The following GALNT10 variants were observed in gnomAD, a reference collection of about 807,000 sequenced individuals.
GALNT10 encodes the protein polypeptide N-acetylgalactosaminyltransferase 10, also known as GalNAc transferase 10.
A neutral mutation model predicts 75.0 loss-of-function variants in GALNT10; 41 were observed. That is an observed-to-expected ratio of 0.55 (90% CI 0.43 to 0.71). The LOEUF is 0.71. GALNT10 is among the 30% of genes least tolerant of loss of function. GALNT10 has a pLI of 0.00. For missense variants in GALNT10, 727 were observed against 818.5 expected (o/e 0.89, Z 1.36); for synonymous variants, 302 against 313.0 (o/e 0.96, Z 0.37).
At chr5:154,338,448 G>A (rs560432918) in intron 4 of GALNT10, 2 of 316,492 alleles carry the variant, frequency 6.3e-6, no homozygotes, top group South Asian at 6.9e-5. Context: ...CTCTGACTTA[G>A]ACATGATGGC....
intron 1 of GALNT10, among the ~76,000 whole-genome samples, chr5:154,247,291 G>A (rs1453375111): frequency 5.3e-5 from 8 of 152,098 alleles, no homozygotes; most frequent in Admixed American, 2.0e-4. Flanking sequence ...TTGGCAATGC[G>A]GGCTCTTTTT....
intron 4 of GALNT10, among the ~76,000 whole-genome samples, chr5:154,364,399 C>G (rs955935422): frequency 2.0e-5 from 3 of 152,134 alleles, no homozygotes; most frequent in Non-Finnish European, 4.4e-5. Context: ...AGATTAGTCT[C>G]TGGTAGGGGA....
chr5:154,411,996 A>C (rs1041167673), intron 9 of GALNT10, among the ~76,000 whole-genome samples: 2 of 152,172 alleles, frequency 1.3e-5, no homozygotes, highest in Non-Finnish European at 2.9e-5. Context: ...CCCCAAGCCA[A>C]ATCACCAGCC....
chr5:154,420,682 G>T lies in GALNT10; in HGVS notation c.*3710G>T, dbSNP rs905742649. ...GCCCACTGCCACCTCTGGGATGGGA[G>T]TCGGACCTACATACCAAGTGACAAG... On this transcript the variant is annotated 3_prime_UTR_variant, in exon 12 of 12. Coordinates refer to ENST00000297107, the MANE Select transcript of GALNT10 (RefSeq NM_198321.4). 3 of 152,346 alleles carry T rather than the reference G, an allele frequency of 2.0e-5. No homozygotes were observed. The highest frequency in any genetic ancestry group is 2.9e-5 in the Non-Finnish European group (2 of 68,036). 9.4% of individuals were successfully genotyped at this position (152,346 alleles called of 1,614,324 possible). A position where few individuals can be genotyped will look rare whatever the true frequency, so the allele number is the denominator to read the frequency against.
intron 3 of GALNT10, among the ~76,000 whole-genome samples, chr5:154,316,368 T>C (rs916160458): frequency 6.6e-6 from 1 of 152,204 alleles, no homozygotes; most frequent in African/African-American, 2.4e-5. Context: ...CCTCTAAGCC[T>C]CACTACCTTA....
intron 4 of GALNT10, among the ~76,000 whole-genome samples, chr5:154,362,744 T>C (rs960936557): frequency 1.3e-5 from 2 of 152,232 alleles, no homozygotes; most frequent in Non-Finnish European, 2.9e-5. Context: ...TCACCTATGA[T>C]TGAATTCTTC....
chr5:154,342,403 T>C (rs1298271035), intron 4 of GALNT10, among the ~76,000 whole-genome samples: 1 of 152,178 alleles, frequency 6.6e-6, no homozygotes, highest in Non-Finnish European at 1.5e-5. Flanking sequence ...TTAACTCTTA[T>C]CCTTATCAGC....
intron 1 of GALNT10, among the ~76,000 whole-genome samples, chr5:154,252,177 C>A (rs1753533351): frequency 1.3e-5 from 2 of 152,188 alleles, no homozygotes; most frequent in East Asian, 3.9e-4. Flanking sequence ...TCTCCCATTT[C>A]CCCCATTGTT....
At chr5:154,356,199 C>A (rs1388396816) in intron 4 of GALNT10, 2 of 456,308 alleles carry the variant, frequency 4.4e-6, no homozygotes, top group Admixed American at 4.7e-5. Context: ...GCTAGAGACC[C>A]TTCAGCATAC....
intron 1 of GALNT10, among the ~76,000 whole-genome samples, chr5:154,235,847 T>G (rs1025222971): frequency 6.6e-6 from 1 of 152,128 alleles, no homozygotes. Flanking sequence ...TGGCAAGAAG[T>G]CATATTGCCC....
chr5:154,366,933 C>G (rs1240200658), intron 4 of GALNT10, among the ~76,000 whole-genome samples: 1 of 152,154 alleles, frequency 6.6e-6, no homozygotes, highest in Non-Finnish European at 1.5e-5. Context: ...CAGAGGACCA[C>G]CTGTCTCAGG....
At chr5:154,205,964 T>C (rs1309674688) in intron 1 of GALNT10, among the ~76,000 whole-genome samples, 1 of 152,260 alleles carries the variant, frequency 6.6e-6, no homozygotes, top group East Asian at 1.9e-4. Flanking sequence ...TATGGTACTT[T>C]GTTATGGTAG....
intron 1 of GALNT10, among the ~76,000 whole-genome samples, chr5:154,218,421 T>C (rs1248741811): frequency 2.0e-5 from 3 of 152,214 alleles, no homozygotes; most frequent in East Asian, 3.8e-4. Flanking sequence ...CCTGTGACCT[T>C]GTACCAGTCG....
rs957181149 is a variant in GALNT10, at chr5:154,376,813, A to G, written c.754+351A>G. On this transcript the variant is annotated intron_variant, in intron 5 of 11. Coordinates refer to ENST00000297107, the MANE Select transcript of GALNT10 (RefSeq NM_198321.4). This position sits in a 1 kb window ranked among gnomAD's most constrained non-coding sequence, Gnocchi z 4.1. ...GCTGTTAATAGCCAAACTGTGGGGG[A>G]CATCATCATATCAACTTAGAAGAGT... Among the ~76,000 whole-genome samples, 2 of 152,194 alleles carry G rather than the reference A, an allele frequency of 1.3e-5. No homozygotes were observed. Among genetic ancestry groups the G allele is most frequent in the Non-Finnish European group, 2.9e-5 (2 of 68,036 alleles).
intron 1 of GALNT10, among the ~76,000 whole-genome samples, chr5:154,218,722 A>G (rs1013481828): frequency 5.9e-5 from 9 of 152,048 alleles, no homozygotes; most frequent in Non-Finnish European, 1.3e-4. Context: ...CCCAGACAGA[A>G]TTGGGGGGAG....
chr5:154,286,375 G>C (rs1028193904), intron 1 of GALNT10, among the ~76,000 whole-genome samples: 1 of 145,178 alleles, frequency 6.9e-6, no homozygotes, highest in African/African-American at 2.7e-5. Context: ...TTATTGATCA[G>C]AGTCGATTTG....
chr5:154,374,290 A>G (rs925242936), intron 4 of GALNT10, among the ~76,000 whole-genome samples: 17 of 152,166 alleles, frequency 1.1e-4, no homozygotes, highest in African/African-American at 3.6e-4. Context: ...GACCTGGAGC[A>G]TTTTTTAGCC....
chr5:154,329,394 T>C (rs1025593532), intron 3 of GALNT10, 178 bp from the exon 4 acceptor site: 1 of 603,186 alleles, frequency 1.7e-6, no homozygotes. Flanking sequence ...AGATTGGAGG[T>C]AGGACTTTGG....
At chr5:154,338,240 G>T (rs2113127589) in intron 4 of GALNT10, 8 of 726,744 alleles carry the variant, frequency 1.1e-5, no homozygotes, top group South Asian at 7.0e-5. Context: ...CTCCACGGTG[G>T]CATAGGTGGC....
Sources: allele counts gnomAD v4.1 joint callset (sites outside exome capture counted in the v4.1 genomes callset), GRCh38; gene constraint gnomAD v4.1.1; non-coding constraint Gnocchi (gnomAD v3.1); transcripts MANE v1.5; gene names NCBI Gene and HGNC (gene_info 2026-07-23, HGNC 2026-07-21).